The following TMEM236 variants were observed in gnomAD, a reference collection of about 807,000 sequenced individuals.
The protein encoded by TMEM236 is family with sequence similarity 23, member A.
Under a neutral mutation model 14.7 loss-of-function variants are expected in TMEM236, and 11 were observed. The observed-to-expected ratio is 0.75, with a 90% CI of 0.47 to 1.24. TMEM236 has a LOEUF of 1.24. Among genes scored for constraint, TMEM236 ranks in the 50% most tolerant of loss-of-function variants. The pLI, the probability that TMEM236 is intolerant of heterozygous loss-of-function variation, is 0.00. For synonymous variants in TMEM236, 182 were observed against 168.6 expected (o/e 1.08, Z -0.62); for missense variants, 464 against 427.3 (o/e 1.09, Z -0.76).
chr10:17,773,411 C>T (rs1215264405), intron 2 of TMEM236, among the ~76,000 whole-genome samples: 2 of 152,054 alleles, frequency 1.3e-5, no homozygotes, highest in Admixed American at 1.3e-4. Flanking sequence ...GATCTTGGCT[C>T]ACTGCAAGCT....
At chr10:17,766,227 A>G (rs1243585471) in intron 1 of TMEM236, among the ~76,000 whole-genome samples, 28 of 152,260 alleles carry the variant, frequency 1.8e-4, no homozygotes, top group African/African-American at 6.7e-4. Flanking sequence ...TGCCTTCAAC[A>G]CTTTGCTTAG....
At chr10:17,794,829 G>C (rs1357701854) in intron 3 of TMEM236, among the ~76,000 whole-genome samples, 2 of 152,134 alleles carry the variant, frequency 1.3e-5, no homozygotes, top group Non-Finnish European at 2.9e-5. Context: ...CATGAGGTCA[G>C]GAGTTTGAAA....
chr10:17,779,367 A>G (rs1265665260), intron 3 of TMEM236, among the ~76,000 whole-genome samples: 1 of 151,968 alleles, frequency 6.6e-6, no homozygotes. Context: ...TCAGCTTTGT[A>G]GGCAGAGTGA....
At chr10:17,756,519 C>A (rs1041635731) in intron 1 of TMEM236, among the ~76,000 whole-genome samples, 74 of 152,316 alleles carry the variant, frequency 4.9e-4, no homozygotes, top group Non-Finnish European at 8.8e-4. Flanking sequence ...TGGTCTCGAA[C>A]TCCTGACCTC....
intron 3 of TMEM236, among the ~76,000 whole-genome samples, chr10:17,791,036 C>T (rs1837916245): frequency 6.6e-6 from 1 of 152,220 alleles, no homozygotes; most frequent in East Asian, 1.9e-4. Flanking sequence ...CTGCCACAGA[C>T]AGTGTGGTAC....
chr10:17,794,926 G>A (rs1361953450), intron 3 of TMEM236, among the ~76,000 whole-genome samples: 1 of 152,134 alleles, frequency 6.6e-6, no homozygotes, highest in African/African-American at 2.4e-5. Flanking sequence ...TACTCGGGAC[G>A]CTGAGGCAGG....
chr10:17,794,304 T>G (rs1837973174), intron 3 of TMEM236, among the ~76,000 whole-genome samples: 1 of 152,238 alleles, frequency 6.6e-6, no homozygotes, highest in African/African-American at 2.4e-5. Flanking sequence ...CTTTTAAGTT[T>G]TGTTTTATCA....
intron 3 of TMEM236, among the ~76,000 whole-genome samples, chr10:17,782,029 C>T (rs1304418822): frequency 6.6e-6 from 1 of 152,066 alleles, no homozygotes; most frequent in Non-Finnish European, 1.5e-5. Flanking sequence ...TCTCCAGGCC[C>T]AGCTCCCTGG....
intron 1 of TMEM236, among the ~76,000 whole-genome samples, chr10:17,769,618 G>T (rs1320983435): frequency 6.6e-6 from 1 of 152,162 alleles, no homozygotes; most frequent in Non-Finnish European, 1.5e-5. Context: ...ACTTAGTGTT[G>T]TAGGAACTTG....
intron 3 of TMEM236, among the ~76,000 whole-genome samples, chr10:17,795,037 A>T (rs1482354223): frequency 2.0e-5 from 3 of 152,132 alleles, no homozygotes; most frequent in African/African-American, 7.2e-5. Flanking sequence ...CAAAAAAACA[A>T]ACAAACAAAC....
intron 3 of TMEM236, among the ~76,000 whole-genome samples, chr10:17,776,571 GGT>G (rs1405241939): frequency 6.6e-6 from 1 of 152,288 alleles, no homozygotes; most frequent in East Asian, 1.9e-4. Flanking sequence ...ATATGACTGT[GGT>G]AGTTGTGTCC....
chr10:17,753,041 A>G (rs907093229), intron 1 of TMEM236, among the ~76,000 whole-genome samples: 3 of 152,132 alleles, frequency 2.0e-5, no homozygotes, highest in Admixed American at 6.6e-5. Context: ...TTTCACCGGC[A>G]TGCACCACCA....
At chr10:17,781,745 CAAAAAAAAAAAA>C (rs67839025) in intron 3 of TMEM236, among the ~76,000 whole-genome samples, 1 of 96,848 alleles carries the variant, frequency 1.0e-5, no homozygotes, top group Admixed American at 1.2e-4. Context: ...ACCTCTGTCT[CAAAAAAAAAAAA>C]AAAAAAAAAG....
chr10:17,753,528 T>C (rs1051959231), intron 1 of TMEM236, among the ~76,000 whole-genome samples: 1 of 152,216 alleles, frequency 6.6e-6, no homozygotes. Context: ...GTTAGTTTGC[T>C]AAAAGTAATG....
intron 3 of TMEM236, among the ~76,000 whole-genome samples, chr10:17,780,557 T>C (rs1346513174): frequency 1.3e-5 from 2 of 152,078 alleles, no homozygotes; most frequent in Non-Finnish European, 2.9e-5. Context: ...GGGAAGATCT[T>C]GGGTTTGCAG....
intron 3 of TMEM236, among the ~76,000 whole-genome samples, chr10:17,778,727 C>T (rs1392463045): frequency 1.3e-5 from 2 of 152,190 alleles, no homozygotes. Flanking sequence ...TAATCTACAA[C>T]GTTTTGATTT....
At chr10:17,755,367 G>C (rs913020163) in intron 1 of TMEM236, among the ~76,000 whole-genome samples, 1,552 of 152,248 alleles carry the variant, frequency 0.01, 27 homozygotes, top group African/African-American at 0.034. Context: ...AATAGAGCTA[G>C]AAATACCATT....
At position 17,800,521 on chromosome 10, in the gene TMEM236, T is replaced by G. The variant is rs1253042750; in HGVS notation, c.*4017T>G. The G allele has an allele frequency of 2.0e-5, 3 of 152,188 alleles. No individual in the cohort carries two copies. The highest frequency in any genetic ancestry group is 7.2e-5 in the African/African-American group (3 of 41,458). 9.4% of individuals were successfully genotyped at this position (152,188 alleles called of 1,614,324 possible). Reference sequence around the variant, plus strand: ...ATGTTATCTCGTCTTGTTTTTCTTATTAGGGCCCCATTTCACTGAATGACA... The same window carrying G: ...ATGTTATCTCGTCTTGTTTTTCTTAGTAGGGCCCCATTTCACTGAATGACA... On this transcript the variant is annotated 3_prime_UTR_variant, in exon 4 of 4. Coordinates refer to ENST00000377495, the MANE Select transcript of TMEM236 (RefSeq NM_001098844.3).
chr10:17,756,927 TAA>T, intron 1 of TMEM236, among the ~76,000 whole-genome samples: 1 of 152,340 alleles, frequency 6.6e-6, no homozygotes, highest in East Asian at 1.9e-4. Context: ...TCCCCTGTGC[TAA>T]AGTGTTTCGG....
Sources: allele counts gnomAD v4.1 joint callset (sites outside exome capture counted in the v4.1 genomes callset), GRCh38; gene constraint gnomAD v4.1.1; transcripts MANE v1.5; gene names NCBI Gene and HGNC (gene_info 2026-07-23, HGNC 2026-07-21).